The following ZNF804B variants were observed in gnomAD, a reference collection of about 807,000 sequenced individuals.
ZNF804B encodes zinc finger 804B.
In ZNF804B, 80 loss-of-function variants were observed where a neutral mutation model predicts 101.4. The ratio of observed to expected loss-of-function variants is 0.79; its 90% CI spans 0.66 to 0.95. ZNF804B has a LOEUF of 0.95. Among genes scored for constraint, ZNF804B ranks in the 40% least tolerant of loss-of-function variants. ZNF804B has a pLI of 0.00. For synonymous variants in ZNF804B, 622 were observed against 558.8 expected, an observed-to-expected ratio of 1.11 and a Z score of -1.59; for missense variants, 1,673 against 1,561.9, an observed-to-expected ratio of 1.07 and a Z score of -1.20.
At chr7:88,799,050 C>CA (rs1476821600) in intron 1 of ZNF804B, among the ~76,000 whole-genome samples, 3 of 152,086 alleles carry the variant, frequency 2.0e-5, no homozygotes, top group African/African-American at 7.2e-5. Context: ...TACTTATCTA[C>CA]CTTTTTAATT....
chr7:88,964,138 CAT>C (rs1351638412), intron 1 of ZNF804B, among the ~76,000 whole-genome samples: 3 of 151,348 alleles, frequency 2.0e-5, no homozygotes, highest in Non-Finnish European at 3.0e-5. Flanking sequence ...CCTCAGAAAA[CAT>C]AGAATTGTCA....
chr7:89,160,166 T>G (rs1376900993), intron 1 of ZNF804B, among the ~76,000 whole-genome samples: 1 of 152,194 alleles, frequency 6.6e-6, no homozygotes, highest in African/African-American at 2.4e-5. Context: ...TTATTCTATT[T>G]TAATTTGGCC....
chr7:88,844,281 C>T (rs1791336597), intron 1 of ZNF804B, among the ~76,000 whole-genome samples: 2 of 152,094 alleles, frequency 1.3e-5, no homozygotes, highest in South Asian at 2.1e-4. Flanking sequence ...CACTAATTAA[C>T]CATGAATGTC....
chr7:89,304,432 C>T (rs1451695341), intron 2 of ZNF804B, among the ~76,000 whole-genome samples: 1 of 151,728 alleles, frequency 6.6e-6, no homozygotes, highest in African/African-American at 2.4e-5. Flanking sequence ...GCCTTCCTTG[C>T]TTGTTTAACT....
intron 1 of ZNF804B, among the ~76,000 whole-genome samples, chr7:88,828,030 A>G (rs1791073507): frequency 6.6e-6 from 1 of 152,118 alleles, no homozygotes; most frequent in Non-Finnish European, 1.5e-5. Context: ...TATTTAAAAC[A>G]CAAATGTGAT....
At chr7:89,260,416 A>G (rs991856147) in intron 2 of ZNF804B, among the ~76,000 whole-genome samples, 2 of 151,930 alleles carry the variant, frequency 1.3e-5, no homozygotes, top group African/African-American at 4.8e-5. Context: ...TTTCCCCTCA[A>G]TGATTTTCTT....
At chr7:88,777,406 A>T (rs535773302) in intron 1 of ZNF804B, among the ~76,000 whole-genome samples, 3 of 152,232 alleles carry the variant, frequency 2.0e-5, no homozygotes, top group African/African-American at 7.2e-5. Flanking sequence ...CCAGCTAGCA[A>T]GGGGATCTGG....
chr7:89,246,398 C>G (rs1037371599), intron 2 of ZNF804B, among the ~76,000 whole-genome samples: 3 of 151,724 alleles, frequency 2.0e-5, no homozygotes, highest in African/African-American at 7.3e-5. Context: ...ATTTGGAACA[C>G]CTGCTTGCCT....
intron 1 of ZNF804B, among the ~76,000 whole-genome samples, chr7:88,841,351 A>T (rs557444008): frequency 5.3e-5 from 8 of 152,268 alleles, no homozygotes; most frequent in African/African-American, 1.9e-4. Context: ...TGGTCTGGAG[A>T]CTGAGTCCAA....
intron 1 of ZNF804B, among the ~76,000 whole-genome samples, chr7:89,059,415 C>T (rs2189053): frequency 0.072 from 10,958 of 152,046 alleles, 805 homozygotes; most frequent in African/African-American, 0.18. Context: ...GGATAGTAGG[C>T]GTGTCACATG....
intron 1 of ZNF804B, among the ~76,000 whole-genome samples, chr7:88,765,741 C>G (rs1329144787): frequency 6.6e-6 from 1 of 151,914 alleles, no homozygotes; most frequent in Non-Finnish European, 1.5e-5. Context: ...GCTGAAAAAG[C>G]CTTTTGTAGA....
intron 1 of ZNF804B, among the ~76,000 whole-genome samples, chr7:89,141,317 TACCC>T (rs1790712253): frequency 6.6e-6 from 1 of 152,090 alleles, no homozygotes. Context: ...ATTGGGCTAA[TACCC>T]TTGGTCAACA....
At chr7:89,053,370 A>G (rs115727639) in intron 1 of ZNF804B, among the ~76,000 whole-genome samples, 1,632 of 152,172 alleles carry the variant, frequency 0.011, 24 homozygotes, top group African/African-American at 0.036. Context: ...TCATTTCTGC[A>G]TTTGACTCCA....
At chr7:89,260,975 A>G (rs1272929264) in intron 2 of ZNF804B, among the ~76,000 whole-genome samples, 1 of 151,538 alleles carries the variant, frequency 6.6e-6, no homozygotes, top group Non-Finnish European at 1.5e-5. Flanking sequence ...AATATGAGAA[A>G]ACCATGATAG....
chr7:89,198,353 C>G (rs1264315006), intron 1 of ZNF804B, among the ~76,000 whole-genome samples: 1 of 151,722 alleles, frequency 6.6e-6, no homozygotes, highest in Non-Finnish European at 1.5e-5. Flanking sequence ...ATGCATAAAG[C>G]CCAAAGTAAT....
At chr7:88,835,711 A>G (rs940847579) in intron 1 of ZNF804B, among the ~76,000 whole-genome samples, 2 of 151,974 alleles carry the variant, frequency 1.3e-5, no homozygotes, top group African/African-American at 4.8e-5. Context: ...TCAACTATGT[A>G]GAATGTGTGT....
chr7:88,873,203 C>A (rs546854176), intron 1 of ZNF804B, among the ~76,000 whole-genome samples: 2,022 of 152,228 alleles, frequency 0.013, 47 homozygotes, highest in African/African-American at 0.046. Context: ...TTTTGATTTG[C>A]ATTTCTCTGA....
chr7:89,217,121 T>C (rs1788908122), intron 1 of ZNF804B, among the ~76,000 whole-genome samples: 1 of 152,134 alleles, frequency 6.6e-6, no homozygotes, highest in African/African-American at 2.4e-5. Context: ...AAAAAATTGG[T>C]GGAATAAATA....
chr7:88,878,916 G>A (rs969623074), intron 1 of ZNF804B, among the ~76,000 whole-genome samples: 5 of 152,058 alleles, frequency 3.3e-5, no homozygotes, highest in African/African-American at 9.7e-5. Context: ...AACTTTTGCA[G>A]TTATGCCCAA....
Sources: gnomAD v4.1 joint callset for allele counts (sites outside exome capture counted in the v4.1 genomes callset) on GRCh38, gnomAD v4.1.1 for gene constraint, MANE v1.5 for transcripts, NCBI Gene and HGNC (gene_info 2026-07-23, HGNC 2026-07-21) for gene names.